MDFIC2: variants seen among roughly 807,000 people sequenced by gnomAD.
MDFIC2 encodes myoD family inhibitor domain-containing protein 2.
intron 2 of MDFIC2, among the ~76,000 whole-genome samples, chr3:70,289,476 T>C (rs1438738019): frequency 6.7e-6 from 1 of 149,834 alleles, no homozygotes; most frequent in Non-Finnish European, 1.5e-5. Flanking sequence ...AACCTTTCTC[T>C]CTGGCTGCCC....
At chr3:70,288,702 T>C in intron 2 of MDFIC2, among the ~76,000 whole-genome samples, 1 of 151,916 alleles carries the variant, frequency 6.6e-6, no homozygotes, top group Non-Finnish European at 1.5e-5. Flanking sequence ...CTAAGTCTCT[T>C]TGTAGGTCAC....
intron 2 of MDFIC2, among the ~76,000 whole-genome samples, chr3:70,295,480 A>G (rs978234702): frequency 1.3e-5 from 2 of 152,068 alleles, no homozygotes; most frequent in Non-Finnish European, 2.9e-5. Flanking sequence ...GAGTGAGATA[A>G]TCACTTGAGG....
At chr3:70,266,117 G>C (rs1004222253) in intron 2 of MDFIC2, among the ~76,000 whole-genome samples, 3 of 152,082 alleles carry the variant, frequency 2.0e-5, no homozygotes, top group Admixed American at 6.5e-5. Flanking sequence ...CACTATTTTG[G>C]CTATTATATC....
intron 3 of MDFIC2, chr3:70,205,784 C>T (rs1346062743): frequency 6.6e-6 from 1 of 151,966 alleles, no homozygotes. Flanking sequence ...GACCAGAAAC[C>T]ATACCTTGTT....
At chr3:70,204,028 T>C (rs1462536270) in intron 3 of MDFIC2, among the ~76,000 whole-genome samples, 1 of 152,152 alleles carries the variant, frequency 6.6e-6, no homozygotes, top group Non-Finnish European at 1.5e-5. Flanking sequence ...TCCTTTTAAA[T>C]TCCCATCAGA....
chr3:70,239,212 A>G (rs1211372852), intron 2 of MDFIC2, among the ~76,000 whole-genome samples: 1 of 152,186 alleles, frequency 6.6e-6, no homozygotes, highest in Non-Finnish European at 1.5e-5. Flanking sequence ...CAGTTCAACT[A>G]TGTCATGAAA....
At chr3:70,263,536 A>T (rs1166738778) in intron 2 of MDFIC2, among the ~76,000 whole-genome samples, 2 of 152,132 alleles carry the variant, frequency 1.3e-5, no homozygotes, top group East Asian at 3.9e-4. Context: ...AGATCTCTGG[A>T]AAATGTTTGG....
At chr3:70,228,471 G>A (rs1402631818) in intron 2 of MDFIC2, among the ~76,000 whole-genome samples, 1 of 151,888 alleles carries the variant, frequency 6.6e-6, no homozygotes, top group Admixed American at 6.6e-5. Context: ...AATAGACTCT[G>A]TATTTTAATA....
At chr3:70,297,949 T>A (rs1287223300) in intron 2 of MDFIC2, among the ~76,000 whole-genome samples, 1 of 152,158 alleles carries the variant, frequency 6.6e-6, no homozygotes, top group Non-Finnish European at 1.5e-5. Flanking sequence ...GGTCTCTTAC[T>A]CTTTGCTAAT....
intron 2 of MDFIC2, among the ~76,000 whole-genome samples, chr3:70,229,048 A>G (rs896936488): frequency 1.3e-5 from 2 of 152,230 alleles, no homozygotes; most frequent in African/African-American, 4.8e-5. Flanking sequence ...TAGCCTCCAC[A>G]GCTAAAGAGG....
intron 2 of MDFIC2, among the ~76,000 whole-genome samples, chr3:70,251,688 C>T (rs1278579941): frequency 9.9e-5 from 15 of 152,054 alleles, no homozygotes; most frequent in Non-Finnish European, 7.4e-5. Flanking sequence ...CTTTTAATGG[C>T]AAAACCCGCA....
At chr3:70,261,454 C>T (rs1701866448) in intron 2 of MDFIC2, among the ~76,000 whole-genome samples, 1 of 152,194 alleles carries the variant, frequency 6.6e-6, no homozygotes, top group South Asian at 2.1e-4. Flanking sequence ...TGCAACTTCC[C>T]TCCATGGTTG....
At chr3:70,200,776 T>C (rs923826205) in intron 3 of MDFIC2, among the ~76,000 whole-genome samples, 7 of 152,170 alleles carry the variant, frequency 4.6e-5, no homozygotes. Flanking sequence ...GTAATCCTCA[T>C]TTTTTAGATG....
intron 2 of MDFIC2, among the ~76,000 whole-genome samples, chr3:70,238,088 C>T (rs1246696130): frequency 1.5e-5 from 2 of 133,614 alleles, no homozygotes; most frequent in African/African-American, 2.8e-5. Flanking sequence ...GTGGAAATGG[C>T]TTGCCCTGTC....
At chr3:70,220,006 TA>T (rs533714743) in intron 2 of MDFIC2, among the ~76,000 whole-genome samples, 102 of 152,190 alleles carry the variant, frequency 6.7e-4, no homozygotes, top group African/African-American at 2.4e-3. Flanking sequence ...CCCACAATTC[TA>T]AAAAATATTT....
chr3:70,296,933 G>A (rs1006150234), intron 2 of MDFIC2, among the ~76,000 whole-genome samples: 1 of 151,804 alleles, frequency 6.6e-6, no homozygotes, highest in African/African-American at 2.4e-5. Context: ...AATCCAGTGT[G>A]ATCTGCCTCT....
chr3:70,250,409 T>TCACACACACACACA (rs1491108341), intron 2 of MDFIC2, among the ~76,000 whole-genome samples: 40 of 126,348 alleles, frequency 3.2e-4, no homozygotes, highest in Non-Finnish European at 4.0e-4. Flanking sequence ...TTTTAATGAA[T>TCACACACACACACA]CTCACACACA....
At chr3:70,240,575 C>A (rs1243242665) in intron 2 of MDFIC2, among the ~76,000 whole-genome samples, 1 of 152,110 alleles carries the variant, frequency 6.6e-6, no homozygotes, top group Non-Finnish European at 1.5e-5. Context: ...ATTCTGACAC[C>A]AGACTGTCTG....
intron 2 of MDFIC2, among the ~76,000 whole-genome samples, chr3:70,214,845 G>T (rs1038100254): frequency 6.6e-6 from 1 of 151,930 alleles, no homozygotes; most frequent in African/African-American, 2.4e-5. Context: ...TTTAATGTTT[G>T]TAAAAAGTGT....
Sources: gnomAD v4.1 joint callset for allele counts (sites outside exome capture counted in the v4.1 genomes callset) on GRCh38, gnomAD v4.1.1 for gene constraint, MANE v1.5 for transcripts, NCBI Gene and HGNC (gene_info 2026-07-23, HGNC 2026-07-21) for gene names.